Variants in SESTD1 observed in about 807,000 individuals in gnomAD.
SESTD1 encodes the protein SEC14 and spectrin domain containing 1, also known as SEC14 domain and spectrin repeat-containing protein 1.
In SESTD1, 43 loss-of-function variants were observed where a neutral mutation model predicts 101.7. The ratio of observed to expected loss-of-function variants is 0.42; its 90% CI spans 0.33 to 0.55. The LOEUF is 0.55. SESTD1 is among the 20% of genes least tolerant of loss of function. The probability of loss-of-function intolerance (pLI) is 0.07; values close to 1 mark genes in which losing one functional copy is unlikely to be tolerated. For synonymous variants in SESTD1, 283 were observed against 286.8 expected (o/e 0.99, Z 0.13); for missense variants, 647 against 815.1 (o/e 0.79, Z 2.51).
intron 1 of SESTD1, among the ~76,000 whole-genome samples, chr2:179,215,934 T>C (rs1215966571): frequency 7.4e-6 from 1 of 135,176 alleles, no homozygotes; most frequent in Non-Finnish European, 1.6e-5. Context: ...TCAATAAAAT[T>C]CAGTAGCCCT....
At chr2:179,146,506 G>T in intron 7 of SESTD1, 49 bp from the exon 8 acceptor site, 1 of 1,499,098 alleles carries the variant, frequency 6.7e-7, no homozygotes, top group Non-Finnish European at 9.2e-7. Flanking sequence ...TTCTATCAAT[G>T]TAACTTTAAA....
chr2:179,131,679 C>T (rs374064189), intron 10 of SESTD1, among the ~76,000 whole-genome samples: 260 of 152,206 alleles, frequency 1.7e-3, no homozygotes, highest in South Asian at 0.016. Flanking sequence ...AGGAGATTAA[C>T]GAACACCAGC....
At chr2:179,253,883 G>C (rs2047354542) in intron 1 of SESTD1, among the ~76,000 whole-genome samples, 1 of 151,786 alleles carries the variant, frequency 6.6e-6, no homozygotes. Context: ...GGATCTGCTT[G>C]AGCTCAGGAG....
rs1340359587 is a variant in SESTD1 at position 179,208,037 on chromosome 2, A to C, written c.-25-16171T>G. Among the ~76,000 whole-genome samples the C allele has an allele frequency of 2.2e-4, 29 of 134,696 alleles. 5 individuals are homozygous for C. Among genetic ancestry groups the C allele is most frequent in the Admixed American group, 2.1e-3 (29 of 13,792 alleles). 88.4% of individuals were successfully genotyped at this position (134,696 alleles called of 152,430 possible). Reference sequence around the variant, plus strand: ...TAGATATCATAAAGAAAAGACAATCACAACACCTAGAAATAAAAGACCCAC... The same window carrying C: ...TAGATATCATAAAGAAAAGACAATCCCAACACCTAGAAATAAAAGACCCAC... On this transcript the variant is annotated intron_variant, in intron 1 of 17. Transcript: ENST00000428443.
chr2:179,245,642 GC>G (rs923434271), intron 1 of SESTD1, among the ~76,000 whole-genome samples: 2 of 151,484 alleles, frequency 1.3e-5, no homozygotes, highest in Non-Finnish European at 2.9e-5. Flanking sequence ...AGCTGTGATG[GC>G]ACCAGTGCAC....
At chr2:179,154,713 GACAA>G (rs1261930869) in intron 5 of SESTD1, among the ~76,000 whole-genome samples, 1 of 151,938 alleles carries the variant, frequency 6.6e-6, no homozygotes. Flanking sequence ...AACTCTATAG[GACAA>G]ACAATTTGGT....
chr2:179,143,406 G>A (rs984869526), intron 9 of SESTD1, among the ~76,000 whole-genome samples, 186 bp downstream of exon 9: 2 of 152,088 alleles, frequency 1.3e-5, no homozygotes, highest in African/African-American at 4.8e-5. Flanking sequence ...TGTCATCACT[G>A]TGAAAATAAC....
chr2:179,183,047 C>A, intron 3 of SESTD1, 33 bp downstream of exon 3: 3 of 1,409,220 alleles, frequency 2.1e-6, no homozygotes, highest in South Asian at 1.3e-5. Context: ...TGAAAACATA[C>A]TGAGATTTAA....
Position 179,132,294 on chromosome 2 carries a change from A to C in SESTD1, c.972+10T>G. 6.5e-7 allele frequency: 1 copy of C among 1,531,982 alleles called. No individual in the cohort carries two copies. Among genetic ancestry groups the C allele is most frequent in the Non-Finnish European group, 8.7e-7 (1 of 1,151,198 alleles). 94.9% of individuals were successfully genotyped at this position (1,531,982 alleles called of 1,614,324 possible). A position where few individuals can be genotyped will look rare whatever the true frequency, so the allele number is the denominator to read the frequency against. On this transcript the variant is annotated intron_variant, in intron 10 of 17. Transcript: ENST00000428443. ...TATCATTGTAACTTGCAGAGGAAAA[A>C]GCCTCTCACACTGTGCTGGCTCTCA... is the stretch of plus-strand genomic sequence containing the variant.
At chr2:179,230,352 T>C (rs1388445385) in intron 1 of SESTD1, among the ~76,000 whole-genome samples, 1 of 151,800 alleles carries the variant, frequency 6.6e-6, no homozygotes, top group Non-Finnish European at 1.5e-5. Context: ...CCCAGGCTGG[T>C]CTCAAACCCC....
chr2:179,167,765 CT>C (rs1267019531), intron 5 of SESTD1, among the ~76,000 whole-genome samples: 1 of 151,806 alleles, frequency 6.6e-6, no homozygotes, highest in Non-Finnish European at 1.5e-5. Context: ...TTAATTTTTA[CT>C]TTTTTTTCTT....
rs183795869 is a variant in SESTD1 at position 179,108,724 on chromosome 2, T to C, written c.*1175A>G. 3.3e-5 allele frequency: 5 copies of C among 152,136 alleles called. No individual in the cohort carries two copies. The East Asian group carries it at 9.6e-4, about 29-fold the overall frequency. 9.4% of individuals were successfully genotyped at this position (152,136 alleles called of 1,614,324 possible). On this transcript the variant is annotated 3_prime_UTR_variant, in exon 18 of 18. Coordinates refer to ENST00000428443, the MANE Select transcript of SESTD1 (RefSeq NM_178123.5). ...AAATAATTTTTAATATTTTAAAAAA[T>C]GTTCTGAAATAAAAATACATAAAAT...
chr2:179,122,863 TCCAGCCTGGGCAACACAG>T (rs1392514834), intron 12 of SESTD1, among the ~76,000 whole-genome samples: 3 of 152,118 alleles, frequency 2.0e-5, no homozygotes, highest in African/African-American at 7.2e-5. Flanking sequence ...ACCACTGCAC[TCCAGCCTGGGCAACACAG>T]CAAGACTCCA....
intron 5 of SESTD1, among the ~76,000 whole-genome samples, chr2:179,158,755 A>G (rs1293064382): frequency 1.3e-5 from 2 of 152,318 alleles, no homozygotes; most frequent in East Asian, 3.9e-4. Context: ...CCATATTCTT[A>G]TAAAATTCAC....
intron 2 of SESTD1, among the ~76,000 whole-genome samples, chr2:179,190,413 C>T (rs939862340): frequency 6.6e-6 from 1 of 152,082 alleles, no homozygotes; most frequent in African/African-American, 2.4e-5. Context: ...AGACTTAAAC[C>T]TAAGGCCTAA....
intron 13 of SESTD1, among the ~76,000 whole-genome samples, chr2:179,118,288 G>C (rs192025824): frequency 3.3e-5 from 5 of 152,156 alleles, no homozygotes; most frequent in Non-Finnish European, 7.3e-5. Context: ...TCTGGGTGTA[G>C]AGAAACACAA....
intron 2 of SESTD1, among the ~76,000 whole-genome samples, chr2:179,189,896 A>C (rs2046295334): frequency 6.6e-6 from 1 of 152,158 alleles, no homozygotes. Context: ...GCTATAAAAC[A>C]CTGCTGAAAG....
chr2:179,211,814 A>G (rs1022439101), intron 1 of SESTD1, among the ~76,000 whole-genome samples: 1 of 131,754 alleles, frequency 7.6e-6, no homozygotes, highest in Admixed American at 7.4e-5. Flanking sequence ...ATATGAGGAT[A>G]CGAAGGCAGG....
At chr2:179,186,684 A>T (rs984687217) in intron 2 of SESTD1, among the ~76,000 whole-genome samples, 8 of 118,650 alleles carry the variant, frequency 6.7e-5, no homozygotes, top group African/African-American at 1.6e-4. Context: ...TTTTCAGGGA[A>T]TTTTTTTTTT....
Sources: gnomAD v4.1 joint callset for allele counts (sites outside exome capture counted in the v4.1 genomes callset) on GRCh38, gnomAD v4.1.1 for gene constraint, MANE v1.5 for transcripts, NCBI Gene and HGNC (gene_info 2026-07-23, HGNC 2026-07-21) for gene names.